STEAP3: variants seen among roughly 807,000 people sequenced by gnomAD.
STEAP3 encodes STEAP3 metalloreductase.
In STEAP3, 35 loss-of-function variants were observed where a neutral mutation model predicts 34.9. The ratio of observed to expected loss-of-function variants is 1.00; its 90% confidence interval spans 0.76 to 1.33. The LOEUF is 1.33. Ranked by LOEUF, STEAP3 falls within the 40% of genes most tolerant of loss-of-function variation. The pLI is 0.00. For missense variants in STEAP3, 652 were observed against 667.6 expected, an observed-to-expected ratio of 0.98 and a Z score of 0.26; for synonymous variants, 281 against 301.6, an observed-to-expected ratio of 0.93 and a Z score of 0.71.
At chr2:119,232,896 G>A (rs562686892) in intron 2 of STEAP3, among the ~76,000 whole-genome samples, 79 of 152,324 alleles carry the variant, frequency 5.2e-4, no homozygotes, top group African/African-American at 1.8e-3. Flanking sequence ...CAGAGGCAGG[G>A]AAATTAATTC....
At chr2:119,259,830 G>A (rs944339299) in intron 5 of STEAP3, among the ~76,000 whole-genome samples, 15 of 152,210 alleles carry the variant, frequency 9.9e-5, no homozygotes, top group African/African-American at 2.7e-4. Context: ...AGAGGTGGGC[G>A]CCAAAAGGCT....
intron 5 of STEAP3, among the ~76,000 whole-genome samples, chr2:119,259,501 G>C (rs912953247): frequency 2.6e-5 from 4 of 152,214 alleles, no homozygotes; most frequent in Non-Finnish European, 4.4e-5. Context: ...CTGGCCTGAG[G>C]CTGGAACTTC....
intron 2 of STEAP3, among the ~76,000 whole-genome samples, chr2:119,238,952 C>G (rs541580442): frequency 1.8e-4 from 27 of 152,234 alleles, no homozygotes; most frequent in African/African-American, 6.3e-4. Flanking sequence ...CAATCTTGCC[C>G]TCCCAAAGCT....
chr2:119,241,321 C>T (rs1434144181), intron 2 of STEAP3, among the ~76,000 whole-genome samples: 1 of 152,164 alleles, frequency 6.6e-6, no homozygotes, highest in Non-Finnish European at 1.5e-5. Context: ...CAGCCCGTGC[C>T]TTTAACCACC....
chr2:119,237,277 T>C (rs1677119433), intron 2 of STEAP3, among the ~76,000 whole-genome samples: 1 of 152,164 alleles, frequency 6.6e-6, no homozygotes. Flanking sequence ...GCTGGTGGCC[T>C]GGGCAAGTCA....
At chr2:119,254,525 C>G (rs1222705340) in intron 4 of STEAP3, among the ~76,000 whole-genome samples, 159 bp from the exon 5 acceptor site, 1 of 152,114 alleles carries the variant, frequency 6.6e-6, no homozygotes, top group Non-Finnish European at 1.5e-5. Flanking sequence ...TTTGAGGATT[C>G]GATGAGTTAA....
At chr2:119,255,714 C>T in intron 5 of STEAP3, among the ~76,000 whole-genome samples, 1 of 148,636 alleles carries the variant, frequency 6.7e-6, no homozygotes, top group Non-Finnish European at 1.5e-5. Context: ...TTCAAGTGTC[C>T]AGCCTGGACA....
intron 4 of STEAP3, among the ~76,000 whole-genome samples, chr2:119,251,286 T>G (rs958095133): frequency 1.3e-5 from 2 of 152,242 alleles, no homozygotes; most frequent in Non-Finnish European, 2.9e-5. Flanking sequence ...GGGAGCACAT[T>G]AGTCTAGGCA....
intron 2 of STEAP3, among the ~76,000 whole-genome samples, chr2:119,241,520 G>A (rs1340629934): frequency 2.6e-5 from 4 of 152,234 alleles, no homozygotes; most frequent in African/African-American, 9.6e-5. Context: ...CTGAAAAGCA[G>A]GGACCCTTAG....
intron 1 of STEAP3, among the ~76,000 whole-genome samples, chr2:119,228,828 A>G (rs1432630658): frequency 6.6e-6 from 1 of 151,942 alleles, no homozygotes; most frequent in Non-Finnish European, 1.5e-5. Context: ...AGGCTGAGGG[A>G]GCTCAGGGTA....
chr2:119,245,331 C>A, intron 2 of STEAP3, 158 bp from the exon 3 acceptor site: 1 of 1,056,430 alleles, frequency 9.5e-7, no homozygotes, highest in Non-Finnish European at 1.4e-6. Context: ...GTGTTGTGTT[C>A]AGCTTGTTCC....
At position 119,247,707 on chromosome 2, in the gene STEAP3, C is replaced by T. The variant is rs763409386; in HGVS notation, c.551C>T (p.Ala184Val). 3.9e-6 allele frequency: 6 copies of T among 1,549,148 alleles called. No individual in the cohort carries two copies. The highest frequency in any genetic ancestry group is 5.2e-6 in the Non-Finnish European group (6 of 1,151,530). ...CCCATCTGCGGTGACCAGCCAGAAGCCAAGCGTGCTGTCTCGGAGATGGCG... is the reference window on the plus strand; with the variant it reads ...CCCATCTGCGGTGACCAGCCAGAAGTCAAGCGTGCTGTCTCGGAGATGGCG... ...QVPICGDQPE[A>V]KRAVSEMALA... Residue 184 changes from alanine (A) to valine (V), a missense_variant, in exon 4 of 6, where the codon GCC (alanine) becomes GTC (valine). Coordinates refer to ENST00000393110, the MANE Select transcript of STEAP3 (RefSeq NM_182915.3).
chr2:119,263,246 G>C lies in STEAP3; in HGVS notation c.1405G>C (p.Ala469Pro). The C allele has an allele frequency of 6.2e-7, 1 of 1,614,102 alleles. No homozygotes were observed. Among genetic ancestry groups the C allele is most frequent in the Non-Finnish European group, 8.5e-7 (1 of 1,180,028 alleles). Residue 469 changes from alanine to proline, a missense_variant, in exon 6 of 6, where the codon GCC (alanine) becomes CCC (proline). Transcript: ENST00000393110. The stretch of plus-strand genomic sequence containing the variant: ...CCTGCCCTGCATCAGCCGCAGACTC[G>C]CCAGGATCCGGAGAGGCTGGGAGAG... ...FLLPCISRRL[A>P]RIRRGWERES... is the part of the protein sequence containing the mutation.
rs1356956445 is a variant in STEAP3 at position 119,254,835 on chromosome 2, T to C, written c.1202T>C (p.Phe401Ser). ...SIANSLNWREFSFVQSSLGFV... is the reference protein window; with the variant it reads ...SIANSLNWRESSFVQSSLGFV... ...GCAAACTCGCTCAACTGGAGGGAGT[T>C]CAGCTTCGTTCAGGTAAAGTAGTCT... Residue 401 changes from phenylalanine (F) to serine (S), a missense_variant, in exon 5 of 6, where the codon TTC becomes TCC. Transcript: ENST00000393110. The C allele has an allele frequency of 1.9e-6, 3 of 1,614,028 alleles. No homozygotes were observed.
At chr2:119,253,188 T>G (rs1313112642) in intron 4 of STEAP3, among the ~76,000 whole-genome samples, 1 of 152,166 alleles carries the variant, frequency 6.6e-6, no homozygotes, top group Non-Finnish European at 1.5e-5. Context: ...GTAGAGAAAC[T>G]GAGGCCCAGA....
Position 119,254,774 on chromosome 2 carries a change from T to C in STEAP3, c.1141T>C (p.Leu381=), listed in dbSNP as rs1422219699. The change falls in exon 5 of 6, where the codon TTG becomes CTG. Residue 381 remains leucine, a synonymous_variant. Coordinates refer to ENST00000393110, the MANE Select transcript of STEAP3 (RefSeq NM_182915.3). The part of the protein sequence containing the change: ...LSLGVLALGT[L]SLLAVTSLPS... ...CCTGGGAGTGCTGGCCCTCGGCACG[T>C]TGTCCCTGCTGGCCGTGACCTCACT... The C allele has an allele frequency of 6.2e-7, 1 of 1,614,194 alleles. No individual in the cohort carries two copies. The highest frequency in any genetic ancestry group is 1.1e-5 in the South Asian group (1 of 91,076).
intron 2 of STEAP3, among the ~76,000 whole-genome samples, chr2:119,240,237 A>T (rs545534331): frequency 8.5e-5 from 13 of 152,370 alleles, no homozygotes; most frequent in South Asian, 4.1e-4. Context: ...ACAAAAATTT[A>T]AAAAAATTGA....
intron 1 of STEAP3, among the ~76,000 whole-genome samples, chr2:119,226,659 G>A (rs933818222): frequency 1.3e-5 from 2 of 152,058 alleles, no homozygotes; most frequent in African/African-American, 4.8e-5. Flanking sequence ...TCCTGCAGCT[G>A]GGTCCACCCA....
intron 1 of STEAP3, among the ~76,000 whole-genome samples, chr2:119,224,334 C>T (rs1015356308): frequency 6.6e-6 from 1 of 152,178 alleles, no homozygotes. Flanking sequence ...CCAGTCCCTT[C>T]GCAGCCGAAC....
Sources: allele counts gnomAD v4.1 joint callset (sites outside exome capture counted in the v4.1 genomes callset), GRCh38; gene constraint gnomAD v4.1.1; transcripts MANE v1.5; gene names NCBI Gene and HGNC (gene_info 2026-07-23, HGNC 2026-07-21).